ACTG2: variants seen among roughly 807,000 people sequenced by gnomAD.
The protein encoded by ACTG2 is actin, gamma-enteric smooth muscle.
In ACTG2, 16 loss-of-function variants were observed where a neutral mutation model predicts 37.6. The observed-to-expected ratio is 0.43, with a 90% CI of 0.29 to 0.65. The LOEUF (loss-of-function observed/expected upper bound fraction) is 0.65, where lower values mean the gene tolerates loss of function less well. Among genes scored for constraint, ACTG2 ranks in the 30% least tolerant of loss-of-function variants. ACTG2 has a pLI of 0.18. For synonymous variants in ACTG2, 181 were observed against 179.9 expected, an observed-to-expected ratio of 1.01 and a Z score of -0.05; for missense variants, 238 against 490.9, an observed-to-expected ratio of 0.48 and a Z score of 4.87.
In ACTG2 at chr2:73,894,417, C is replaced by T. The variant is rs539289686; in HGVS notation, c.-37+1366C>T. ...CAATGAACAGTAAGATCCTACATGCCAGGCCTGAGAAAAGGGGATGGGCCG... is the reference window on the plus strand; with the variant it reads ...CAATGAACAGTAAGATCCTACATGCTAGGCCTGAGAAAAGGGGATGGGCCG... On this transcript the variant is annotated intron_variant, in intron 1 of 8. Transcript: ENST00000345517. Among the ~76,000 whole-genome samples the T allele has an allele frequency of 1.4e-4, 22 of 152,276 alleles. 1 individual carries two copies. The highest frequency in any genetic ancestry group is 2.1e-4 in the South Asian group (1 of 4,826).
At chr2:73,913,373 T>C in intron 5 of ACTG2, 112 bp from the exon 6 acceptor site, 2 of 1,041,290 alleles carry the variant, frequency 1.9e-6, no homozygotes, top group Non-Finnish European at 2.6e-6. Context: ...GTGAATATTC[T>C]TAACTGGTAA....
chr2:73,902,910 G>A, intron 3 of ACTG2: 3 of 836,906 alleles, frequency 3.6e-6, no homozygotes, highest in Non-Finnish European at 5.4e-6. Context: ...TATTTACTCA[G>A]GCCAGTGCTC....
At chr2:73,909,260 T>C (rs760433141) in intron 5 of ACTG2, 121 bp downstream of exon 5, 15 of 855,788 alleles carry the variant, frequency 1.8e-5, no homozygotes, top group Non-Finnish European at 2.8e-5. Context: ...GCAAAATCTT[T>C]CTTAGGGATA....
chr2:73,898,917 C>A (rs941294432), intron 1 of ACTG2, among the ~76,000 whole-genome samples: 2 of 151,416 alleles, frequency 1.3e-5, no homozygotes, highest in Non-Finnish European at 2.9e-5. Context: ...ATTCTCCTGC[C>A]TCAGCCTCCC....
chr2:73,914,465 A>G (rs1387063024), intron 6 of ACTG2, among the ~76,000 whole-genome samples: 1 of 151,666 alleles, frequency 6.6e-6, no homozygotes, highest in Non-Finnish European at 1.5e-5. Flanking sequence ...AGGCTGAGGC[A>G]GGAGAATTGC....
chr2:73,906,547 C>A (rs1482180112), intron 3 of ACTG2, among the ~76,000 whole-genome samples: 1 of 152,168 alleles, frequency 6.6e-6, no homozygotes. Context: ...GTGGTGCAGT[C>A]ATAACTCACT....
At chr2:73,904,389 A>G (rs1679960555) in intron 3 of ACTG2, among the ~76,000 whole-genome samples, 1 of 151,844 alleles carries the variant, frequency 6.6e-6, no homozygotes, top group Non-Finnish European at 1.5e-5. Flanking sequence ...ATGTGCCTTA[A>G]GGCCGGGCAC....
intron 1 of ACTG2, 113 bp from the exon 2 acceptor site, chr2:73,901,163 C>A: frequency 1.2e-6 from 1 of 847,326 alleles, no homozygotes; most frequent in Non-Finnish European, 1.7e-6. Flanking sequence ...CATGCCTGTC[C>A]CTCCTGGAAG....
At chr2:73,900,100 C>T (rs955869480) in intron 1 of ACTG2, among the ~76,000 whole-genome samples, 1 of 152,162 alleles carries the variant, frequency 6.6e-6, no homozygotes, top group Admixed American at 6.5e-5. Flanking sequence ...AGAAGTTCCC[C>T]TCTCCCCGCT....
chr2:73,895,018 A>C (rs1350118289), intron 1 of ACTG2, among the ~76,000 whole-genome samples: 3 of 152,162 alleles, frequency 2.0e-5, no homozygotes. Context: ...AGCTGGTGGC[A>C]TGGGTGCCGT....
chr2:73,916,879 A>G (rs1199062468), intron 8 of ACTG2, 114 bp downstream of exon 8: 2 of 1,294,214 alleles, frequency 1.5e-6, no homozygotes, highest in Admixed American at 5.2e-5. Context: ...CCTGGGTTCA[A>G]TATCATCCTG....
chr2:73,905,459 AT>A, intron 3 of ACTG2, among the ~76,000 whole-genome samples: 1 of 152,192 alleles, frequency 6.6e-6, no homozygotes. Flanking sequence ...ACAATTAAAA[AT>A]ATGAAGTGTC....
chr2:73,911,369 C>T (rs941076225), intron 5 of ACTG2, among the ~76,000 whole-genome samples: 1 of 151,914 alleles, frequency 6.6e-6, no homozygotes, highest in Non-Finnish European at 1.5e-5. Flanking sequence ...TGGTAGCTCA[C>T]GCCTGTAGTC....
chr2:73,904,300 A>G (rs1392255698), intron 3 of ACTG2, among the ~76,000 whole-genome samples: 2 of 151,662 alleles, frequency 1.3e-5, no homozygotes, highest in Non-Finnish European at 2.9e-5. Flanking sequence ...AAAACATAAT[A>G]GACAAATAAT....
Position 73,899,004 on chromosome 2 carries a change from G to A in ACTG2, c.-36-2272G>A, listed in dbSNP as rs374351188. ...TTTTTGTATTTTTAGTAGAGACGGG[G>A]TTTCACCATGTTAGCCAGGATGGTC... On this transcript the variant is annotated intron_variant, in intron 1 of 8. Coordinates refer to ENST00000345517, the MANE Select transcript of ACTG2 (RefSeq NM_001615.4). Among the ~76,000 whole-genome samples the A allele has an allele frequency of 1.1e-4, 16 of 151,824 alleles. No homozygotes were observed. In the South Asian group the frequency reaches 1.5e-3, roughly 14 times the overall value.
intron 1 of ACTG2, among the ~76,000 whole-genome samples, chr2:73,896,415 CT>C (rs1465333811): frequency 3.3e-5 from 5 of 152,046 alleles, no homozygotes; most frequent in African/African-American, 1.2e-4. Flanking sequence ...CGGAATTTGC[CT>C]TACCCTGATT....
At chr2:73,897,867 G>A (rs1239088087) in intron 1 of ACTG2, among the ~76,000 whole-genome samples, 1 of 152,076 alleles carries the variant, frequency 6.6e-6, no homozygotes, top group East Asian at 1.9e-4. Flanking sequence ...GACCAAATTC[G>A]CCCTTTTATA....
intron 5 of ACTG2, among the ~76,000 whole-genome samples, chr2:73,911,598 T>C (rs1484985142): frequency 6.6e-6 from 1 of 152,252 alleles, no homozygotes; most frequent in African/African-American, 2.4e-5. Context: ...GCTGTACTTT[T>C]ATACAGCTGG....
rs745545852 is a variant in ACTG2, at chr2:73,919,473, G to C, written c.1029G>C (p.Gly343=). 6.2e-7 allele frequency: 1 copy of C among 1,614,030 alleles called. No homozygotes were observed. Among genetic ancestry groups the C allele is most frequent in the Non-Finnish European group, 8.5e-7 (1 of 1,180,028 alleles). ...AGCGGAAGTACTCAGTCTGGATCGG[G>C]GGCTCTATCCTGGCCTCTCTCTCCA... The part of the protein sequence containing the change: ...PPERKYSVWI[G]GSILASLSTF... The change falls in exon 9 of 9, where the codon GGG becomes GGC. Residue 343 remains glycine, a synonymous_variant. Transcript: ENST00000345517.
Sources: allele counts gnomAD v4.1 joint callset (sites outside exome capture counted in the v4.1 genomes callset), GRCh38; gene constraint gnomAD v4.1.1; transcripts MANE v1.5; gene names NCBI Gene and HGNC (gene_info 2026-07-23, HGNC 2026-07-21).